KCNIP4: variants seen among roughly 807,000 people sequenced by gnomAD.
KCNIP4 encodes the protein Kv channel-interacting protein 4.
Under a neutral mutation model 34.0 loss-of-function variants are expected in KCNIP4, and 12 were observed. The observed-to-expected ratio is 0.35, with a 90% confidence interval of 0.23 to 0.57. The LOEUF is 0.57. Among genes scored for constraint, KCNIP4 ranks in the 20% least tolerant of loss-of-function variants. The pLI is 0.83. For synonymous variants in KCNIP4, 124 were observed against 102.2 expected, an observed-to-expected ratio of 1.21 and a Z score of -1.29; for missense variants, 238 against 311.7, an observed-to-expected ratio of 0.76 and a Z score of 1.78.
At chr4:21,723,401 TTTAAACC>T (rs1358140387) in intron 1 of KCNIP4, among the ~76,000 whole-genome samples, 18 of 152,112 alleles carry the variant, frequency 1.2e-4, no homozygotes, top group African/African-American at 3.1e-4. Context: ...CTGATGAGCT[TTTAAACC>T]CATAGCCAGC....
At chr4:20,769,749 G>C (rs1039662269) in intron 3 of KCNIP4, among the ~76,000 whole-genome samples, 2 of 152,152 alleles carry the variant, frequency 1.3e-5, no homozygotes, top group Non-Finnish European at 2.9e-5. Flanking sequence ...GCTCACTGAG[G>C]TTGTTGGTAG....
intron 1 of KCNIP4, among the ~76,000 whole-genome samples, chr4:21,675,135 T>A (rs921702065): frequency 3.3e-5 from 5 of 152,164 alleles, no homozygotes; most frequent in African/African-American, 1.2e-4. Context: ...TGAGATCCAG[T>A]CATTTGTAAC....
rs111393171 is a variant in KCNIP4 at position 21,674,577 on chromosome 4, T to G, written c.61+273994A>C. Among the ~76,000 whole-genome samples, 307 of 152,346 alleles carry G rather than the reference T, an allele frequency of 2.0e-3. 1 individual carries two copies. Among genetic ancestry groups the G allele is most frequent in the African/African-American group, 6.8e-3 (283 of 41,586 alleles). Reference sequence around the variant, plus strand: ...TGCAGTATACTTAGCTCTTCCCAACTGTAACCTCTCTCATTGTGCCTTTGA... The same window carrying G: ...TGCAGTATACTTAGCTCTTCCCAACGGTAACCTCTCTCATTGTGCCTTTGA... On this transcript the variant is annotated intron_variant, in intron 1 of 8. Coordinates refer to ENST00000382152, the MANE Select transcript of KCNIP4 (RefSeq NM_025221.6).
At chr4:21,077,893 T>A (rs955894678) in intron 1 of KCNIP4, among the ~76,000 whole-genome samples, 1 of 152,128 alleles carries the variant, frequency 6.6e-6, no homozygotes, top group Non-Finnish European at 1.5e-5. Context: ...TGGAGCAAGA[T>A]GTCATAGTAG....
At chr4:20,899,557 T>C (rs981299207) in intron 1 of KCNIP4, among the ~76,000 whole-genome samples, 1 of 152,222 alleles carries the variant, frequency 6.6e-6, no homozygotes, top group African/African-American at 2.4e-5. Context: ...GAGGATTCTT[T>C]TGAGTTATGC....
At chr4:21,610,283 T>C (rs973084779) in intron 1 of KCNIP4, among the ~76,000 whole-genome samples, 1 of 152,246 alleles carries the variant, frequency 6.6e-6, no homozygotes, top group African/African-American at 2.4e-5. Flanking sequence ...CTGCAGACTA[T>C]GAGGAATGAT....
At chr4:21,453,953 T>TGACCTCTGAG (rs1445946766) in intron 1 of KCNIP4, among the ~76,000 whole-genome samples, 3 of 152,058 alleles carry the variant, frequency 2.0e-5, no homozygotes, top group Non-Finnish European at 4.4e-5. Flanking sequence ...CTTGAAACAA[T>TGACCTCTGAG]GACCTCTGAG....
chr4:20,806,370 C>T (rs1715086468), intron 3 of KCNIP4, among the ~76,000 whole-genome samples: 1 of 151,878 alleles, frequency 6.6e-6, no homozygotes, highest in Admixed American at 6.6e-5. Flanking sequence ...TATGTTCTTG[C>T]TTTACAGAGG....
At position 21,770,205 on chromosome 4, in the gene KCNIP4, T is replaced by C. The variant is rs564431480; in HGVS notation, c.61+178366A>G. ...TCAATGTTCGACATCCACTTATGAG[T>C]GAGAACGTGGTGTTTGGTTTTCCAT... is the stretch of plus-strand genomic sequence containing the variant. On this transcript the variant is annotated intron_variant, in intron 1 of 8. Coordinates refer to ENST00000382152, the MANE Select transcript of KCNIP4 (RefSeq NM_025221.6). Among the ~76,000 whole-genome samples, 41 of 152,138 alleles carry C rather than the reference T, an allele frequency of 2.7e-4. No individual in the cohort carries two copies. The East Asian group carries it at 7.9e-3, about 29-fold the overall frequency.
At chr4:20,883,601 G>T (rs958031313) in intron 1 of KCNIP4, among the ~76,000 whole-genome samples, 2 of 152,024 alleles carry the variant, frequency 1.3e-5, no homozygotes, top group East Asian at 3.9e-4. Flanking sequence ...CAGCATGCAA[G>T]GTGTCAAATA....
At chr4:20,929,487 G>A (rs542201991) in intron 1 of KCNIP4, among the ~76,000 whole-genome samples, 2 of 152,138 alleles carry the variant, frequency 1.3e-5, no homozygotes, top group East Asian at 3.9e-4. Context: ...AAGCACAAAT[G>A]CCCACTTTTG....
intron 1 of KCNIP4, among the ~76,000 whole-genome samples, chr4:21,817,495 G>GT: frequency 6.6e-6 from 1 of 152,072 alleles, no homozygotes; most frequent in Non-Finnish European, 1.5e-5. Flanking sequence ...AACCATAAGG[G>GT]TGACTGCCTG....
At chr4:21,748,969 C>T (rs1716964828) in intron 1 of KCNIP4, among the ~76,000 whole-genome samples, 1 of 152,016 alleles carries the variant, frequency 6.6e-6, no homozygotes, top group Admixed American at 6.6e-5. Context: ...TACAATACTG[C>T]TTTTATAACA....
chr4:21,446,404 G>T (rs1334320128), intron 1 of KCNIP4, among the ~76,000 whole-genome samples: 2 of 152,100 alleles, frequency 1.3e-5, no homozygotes, highest in African/African-American at 2.4e-5. Flanking sequence ...ACTGGATTAA[G>T]AAAATGTGGC....
chr4:21,279,266 T>A (rs1306006784), intron 1 of KCNIP4, among the ~76,000 whole-genome samples: 2 of 152,124 alleles, frequency 1.3e-5, no homozygotes, highest in Admixed American at 6.6e-5. Flanking sequence ...TAGGGTAGGG[T>A]GGCACAAGTT....
At chr4:21,483,512 G>A (rs546216051) in intron 1 of KCNIP4, among the ~76,000 whole-genome samples, 35 of 152,120 alleles carry the variant, frequency 2.3e-4, no homozygotes, top group African/African-American at 6.5e-4. Context: ...TGTGTGGGCC[G>A]GGCGTGGTGG....
At chr4:21,752,686 T>C (rs947064572) in intron 1 of KCNIP4, among the ~76,000 whole-genome samples, 3 of 152,184 alleles carry the variant, frequency 2.0e-5, no homozygotes, top group African/African-American at 4.8e-5. Context: ...TAAGAAAGAC[T>C]TCCTGTAAAT....
chr4:21,428,532 T>C (rs926255409), intron 1 of KCNIP4, among the ~76,000 whole-genome samples: 1 of 152,036 alleles, frequency 6.6e-6, no homozygotes, highest in South Asian at 2.1e-4. Context: ...TGAGGGATGA[T>C]GCCCACAATG....
At chr4:20,733,096 A>T (rs1748737188) in intron 6 of KCNIP4, among the ~76,000 whole-genome samples, 1 of 152,200 alleles carries the variant, frequency 6.6e-6, no homozygotes, top group Admixed American at 6.5e-5. Flanking sequence ...GACTTTAAGT[A>T]GACTATGTTT....
Sources: gnomAD v4.1 joint callset for allele counts (sites outside exome capture counted in the v4.1 genomes callset) on GRCh38, gnomAD v4.1.1 for gene constraint, MANE v1.5 for transcripts, NCBI Gene and HGNC (gene_info 2026-07-23, HGNC 2026-07-21) for gene names.